CCDC88C: variants seen among roughly 807,000 people sequenced by gnomAD.
CCDC88C encodes protein Daple.
In CCDC88C, 131 loss-of-function variants were observed where a neutral mutation model predicts 198.8. That is an observed-to-expected ratio of 0.66 (90% CI 0.57 to 0.76). The LOEUF is 0.76. CCDC88C is among the 30% of genes least tolerant of loss of function. The probability of loss-of-function intolerance (pLI) is 0.00; values close to 1 mark genes in which losing one functional copy is unlikely to be tolerated. For missense variants in CCDC88C, 2,553 were observed against 2,631.6 expected (o/e 0.97, Z 0.65); for synonymous variants, 1,166 against 1,114.7 (o/e 1.05, Z -0.92).
intron 10 of CCDC88C, among the ~76,000 whole-genome samples, chr14:91,336,474 A>AGGT (rs35802587): frequency 0.012 from 1,827 of 152,288 alleles, 29 homozygotes; most frequent in East Asian, 0.022. Flanking sequence ...GGAGCTGCTG[A>AGGT]GGTGGTTTGT....
At chr14:91,275,890 C>A (rs866335520) in intron 29 of CCDC88C, among the ~76,000 whole-genome samples, 4 of 138,958 alleles carry the variant, frequency 2.9e-5, no homozygotes, top group Non-Finnish European at 6.1e-5. Context: ...GGCGCGATCT[C>A]GACTCACTGC....
chr14:91,294,135 T>C (rs749128853), intron 23 of CCDC88C, 38 bp downstream of exon 23: 3 of 1,609,928 alleles, frequency 1.9e-6, no homozygotes, highest in Non-Finnish European at 1.7e-6. Flanking sequence ...GCAGCTGTGG[T>C]GAGGGTGCGG....
chr14:91,370,760 C>T (rs143728176), intron 3 of CCDC88C, among the ~76,000 whole-genome samples: 143 of 152,228 alleles, frequency 9.4e-4, no homozygotes, highest in African/African-American at 3.3e-3. Context: ...TGGACACATC[C>T]GTGCATACAG....
At chr14:91,413,543 C>T (rs1196445898) in intron 2 of CCDC88C, among the ~76,000 whole-genome samples, 1 of 152,150 alleles carries the variant, frequency 6.6e-6, no homozygotes, top group Non-Finnish European at 1.5e-5. Flanking sequence ...GGTAGGTACC[C>T]AAGACACTGT....
At chr14:91,397,448 A>T (rs1164903367) in intron 3 of CCDC88C, among the ~76,000 whole-genome samples, 3 of 152,188 alleles carry the variant, frequency 2.0e-5, no homozygotes, top group African/African-American at 7.2e-5. Context: ...GTACACACAC[A>T]CACTCACACA....
rs746925437 is a variant in CCDC88C at position 91,339,304 on chromosome 14, G to C, written c.783C>G (p.Ala261=). The change falls in exon 8 of 30, where the codon GCC becomes GCG. Residue 261 remains alanine, a synonymous_variant. Transcript: ENST00000389857. This position sits in a 1 kb window ranked among gnomAD's most constrained non-coding sequence, Gnocchi z 5.8. ...HLAVELADTK[A]RLRRVRQELE... ...GCTCCTGCCTGACGCGCCGCAGCCT[G>C]GCCTTGGTGTCGGCCAGCTCTACGG... is the stretch of plus-strand genomic sequence containing the variant. 3.7e-6 allele frequency: 6 copies of C among 1,613,128 alleles called. No individual in the cohort carries two copies. Among genetic ancestry groups the C allele is most frequent in the Non-Finnish European group, 4.2e-6 (5 of 1,179,896 alleles).
intron 3 of CCDC88C, among the ~76,000 whole-genome samples, chr14:91,376,876 C>T (rs1331252543): frequency 2.0e-5 from 3 of 152,238 alleles, no homozygotes; most frequent in Non-Finnish European, 4.4e-5. Context: ...AAGTGACTGC[C>T]ACAGCCCCGG....
chr14:91,297,295 C>A lies in CCDC88C; in HGVS notation c.3966+10G>T. 2 of 1,611,220 alleles carry A rather than the reference C, an allele frequency of 1.2e-6. No individual in the cohort carries two copies. The highest frequency in any genetic ancestry group is 8.5e-7 in the Non-Finnish European group (1 of 1,178,646). On this transcript the variant is annotated intron_variant, in intron 22 of 29. Coordinates refer to ENST00000389857, the MANE Select transcript of CCDC88C (RefSeq NM_001080414.4). Reference sequence around the variant, plus strand: ...CCTGTCTCCCGAGGCTCCCCTGGCGCTGGCCTCACCTCACAGTGGTTGTCC... The same window carrying A: ...CCTGTCTCCCGAGGCTCCCCTGGCGATGGCCTCACCTCACAGTGGTTGTCC...
At chr14:91,357,196 A>G (rs72701432) in intron 4 of CCDC88C, among the ~76,000 whole-genome samples, 5,734 of 152,266 alleles carry the variant, frequency 0.038, 160 homozygotes, top group South Asian at 0.065. Context: ...CTCTCCCTAT[A>G]AACGGAAATG....
chr14:91,313,272 C>T lies in CCDC88C; in HGVS notation c.2544G>A (p.Val848=). 1 of 1,614,018 alleles carries T rather than the reference C, an allele frequency of 6.2e-7. No individual in the cohort carries two copies. The highest frequency in any genetic ancestry group is 8.5e-7 in the Non-Finnish European group (1 of 1,179,904). ...CGTCCAAGACTGCATCCTTGAGCTC[C>T]ACCTGCTGCCACAGCCGCTTGGCCT... ...EKEAKRLWQQ[V]ELKDAVLDDS... Residue 848 remains valine (V), a synonymous_variant, in exon 15 of 30, where the codon GTG becomes GTA. Coordinates refer to ENST00000389857, the MANE Select transcript of CCDC88C (RefSeq NM_001080414.4). The surrounding 1 kb of genome is among the most constrained non-coding windows in gnomAD (Gnocchi z 5.2).
intron 24 of CCDC88C, among the ~76,000 whole-genome samples, chr14:91,289,665 A>G (rs1178098384): frequency 2.0e-5 from 3 of 152,194 alleles, no homozygotes; most frequent in Non-Finnish European, 4.4e-5. Context: ...AGCCATTTCC[A>G]TGAATCTCAT....
chr14:91,294,814 C>T (rs759186843), intron 22 of CCDC88C, among the ~76,000 whole-genome samples: 4 of 152,176 alleles, frequency 2.6e-5, no homozygotes, highest in African/African-American at 4.8e-5. Flanking sequence ...CGTGCCACCA[C>T]GCCCAGCTAA....
At chr14:91,373,936 T>C (rs552710840) in intron 3 of CCDC88C, among the ~76,000 whole-genome samples, 1 of 152,282 alleles carries the variant, frequency 6.6e-6, no homozygotes, top group East Asian at 1.9e-4. Context: ...CAATGATCAC[T>C]TCCTCAGCAA....
At chr14:91,408,594 A>C in intron 3 of CCDC88C, 65 bp downstream of exon 3, 34 of 1,048,622 alleles carry the variant, frequency 3.2e-5, no homozygotes, top group Non-Finnish European at 4.2e-5. Context: ...TCCTGTGGGA[A>C]AACCGTGACA....
At chr14:91,404,857 C>T (rs952548558) in intron 3 of CCDC88C, among the ~76,000 whole-genome samples, 3 of 150,652 alleles carry the variant, frequency 2.0e-5, no homozygotes, top group Non-Finnish European at 4.4e-5. Flanking sequence ...CCCAGCTACT[C>T]GGGAGGCTGA....
intron 3 of CCDC88C, among the ~76,000 whole-genome samples, chr14:91,361,304 A>G (rs1894295452): frequency 6.6e-6 from 1 of 152,174 alleles, no homozygotes; most frequent in South Asian, 2.1e-4. Flanking sequence ...ATTGCATAAC[A>G]TGCGGAATCT....
chr14:91,379,887 T>C, intron 3 of CCDC88C: 1 of 703,022 alleles, frequency 1.4e-6, no homozygotes. Flanking sequence ...GGGTCTATCC[T>C]GAAAACAGGA....
chr14:91,305,740 C>T (rs1567063693), intron 19 of CCDC88C, 25 bp downstream of exon 19: 1 of 1,587,190 alleles, frequency 6.3e-7, no homozygotes, highest in African/African-American at 1.3e-5. Flanking sequence ...GGCTTGTGAC[C>T]ACTGGTGTTG....
rs778652570 is a variant in CCDC88C at position 91,313,314 on chromosome 14, C to A, written c.2502G>T (p.Lys834Asn). The change falls in exon 15 of 30, where the codon AAG becomes AAT. Residue 834 changes from lysine (K) to asparagine (N), a missense_variant. Lys to Asn is a moderately conservative substitution (Grantham distance 94, BLOSUM62 0). Around this residue, in one of 2 missense-constraint regions of CCDC88C, gnomAD observed 1,260 missense variants for 1,412.0 expected, o/e 0.89. Transcript: ENST00000389857. This position sits in a 1 kb window ranked among gnomAD's most constrained non-coding sequence, Gnocchi z 5.2. ...GCTTGGCCTCCTTCTCCAGCAGCTTCTTATCCTTCTCGAGCTGGGCCACCT... is the reference window on the plus strand; with the variant it reads ...GCTTGGCCTCCTTCTCCAGCAGCTTATTATCCTTCTCGAGCTGGGCCACCT... ...EQEVAQLEKDKKLLEKEAKRL... is the reference protein window; with the variant it reads ...EQEVAQLEKDNKLLEKEAKRL... 4 of 1,613,792 alleles carry A rather than the reference C, an allele frequency of 2.5e-6. No homozygotes were observed. The highest frequency in any genetic ancestry group is 3.4e-6 in the Non-Finnish European group (4 of 1,179,902).
Sources: gnomAD v4.1 joint callset for allele counts (sites outside exome capture counted in the v4.1 genomes callset) on GRCh38, gnomAD v4.1.1 for gene constraint, gnomAD v4.1.1 regional missense constraint, Gnocchi (gnomAD v3.1) non-coding constraint, MANE v1.5 for transcripts, NCBI Gene and HGNC (gene_info 2026-07-23, HGNC 2026-07-21) for gene names.